Variants in SCHIP1 observed in about 807,000 individuals in gnomAD.
The protein encoded by SCHIP1 is schwannomin-interacting protein 1.
A neutral mutation model predicts 29.7 loss-of-function variants in SCHIP1; 8 were observed. The ratio of observed to expected loss-of-function variants is 0.27; its 90% CI spans 0.16 to 0.49. SCHIP1 has a LOEUF of 0.49. Among genes scored for constraint, SCHIP1 ranks in the 20% least tolerant of loss-of-function variants. The probability of loss-of-function intolerance (pLI) is 0.99; values close to 1 mark genes in which losing one functional copy is unlikely to be tolerated. For synonymous variants in SCHIP1, 76 were observed against 94.9 expected (o/e 0.80, Z 1.16); for missense variants, 193 against 294.6 (o/e 0.66, Z 2.52).
intron 2 of SCHIP1, among the ~76,000 whole-genome samples, chr3:159,871,632 T>C (rs987488274): frequency 6.6e-5 from 10 of 152,202 alleles, no homozygotes; most frequent in African/African-American, 2.4e-4. Context: ...GAGTCTTTTC[T>C]CTTGGGCTAT....
the SCHIP1 span, among the ~76,000 whole-genome samples, chr3:159,293,974 T>A: frequency 6.6e-6 from 1 of 152,286 alleles, no homozygotes; most frequent in Middle Eastern, 3.4e-3. Flanking sequence ...CAGGGCAAGA[T>A]GATTATGGTT....
chr3:159,524,466 C>A, the SCHIP1 span, among the ~76,000 whole-genome samples: 1 of 152,306 alleles, frequency 6.6e-6, no homozygotes, highest in South Asian at 2.1e-4. Context: ...TTGCTCCAAT[C>A]AAGGGAATCT....
the SCHIP1 span, among the ~76,000 whole-genome samples, chr3:159,700,112 C>T: frequency 1.3e-5 from 2 of 152,184 alleles, no homozygotes; most frequent in Non-Finnish European, 2.9e-5. Flanking sequence ...ATCAGAAGTA[C>T]ATGAATTGCT....
the SCHIP1 span, among the ~76,000 whole-genome samples, chr3:159,636,568 T>A: frequency 6.6e-6 from 1 of 152,346 alleles, no homozygotes; most frequent in African/African-American, 2.4e-5. Flanking sequence ...GTGATTTTTA[T>A]CTAGGTCATA....
chr3:159,405,457 A>G, the SCHIP1 span, among the ~76,000 whole-genome samples: 10 of 152,258 alleles, frequency 6.6e-5, no homozygotes, highest in Non-Finnish European at 1.3e-4. Flanking sequence ...TTGAATAATT[A>G]AAAAGAATTC....
the SCHIP1 span, among the ~76,000 whole-genome samples, chr3:159,408,402 A>ATACCTTATTTGC: frequency 6.6e-6 from 1 of 151,024 alleles, no homozygotes; most frequent in Non-Finnish European, 1.5e-5. Context: ...TGCAATGATA[A>ATACCTTATTTGC]AAAAAAAAGG....
At chr3:159,890,050 TCG>T (rs953023548) in intron 5 of SCHIP1, among the ~76,000 whole-genome samples, 2 of 149,858 alleles carry the variant, frequency 1.3e-5, no homozygotes, top group African/African-American at 4.9e-5. Flanking sequence ...AGCCGAGATC[TCG>T]CCACTGCACT....
the SCHIP1 span, among the ~76,000 whole-genome samples, chr3:159,363,847 G>A: frequency 6.6e-6 from 1 of 152,112 alleles, no homozygotes; most frequent in Non-Finnish European, 1.5e-5. Flanking sequence ...TTTTGATAAT[G>A]ATAACCAGTT....
chr3:159,830,641 A>C, the SCHIP1 span, among the ~76,000 whole-genome samples: 1 of 152,114 alleles, frequency 6.6e-6, no homozygotes, highest in Non-Finnish European at 1.5e-5. Flanking sequence ...TTTGGGCCTC[A>C]GAGTATTGTT....
At chr3:159,763,003 G>C in the SCHIP1 span, among the ~76,000 whole-genome samples, 1 of 152,134 alleles carries the variant, frequency 6.6e-6, no homozygotes, top group African/African-American at 2.4e-5. Flanking sequence ...CGCTTCCCCT[G>C]TCTCCTTGCC....
At chr3:159,758,765 C>A in the SCHIP1 span, among the ~76,000 whole-genome samples, 3 of 152,182 alleles carry the variant, frequency 2.0e-5, no homozygotes, top group East Asian at 3.9e-4. Flanking sequence ...CTGGAGGAGA[C>A]CTGTTGTATA....
the SCHIP1 span, among the ~76,000 whole-genome samples, chr3:159,515,041 C>A: frequency 1.3e-5 from 2 of 152,116 alleles, no homozygotes; most frequent in African/African-American, 4.8e-5. Flanking sequence ...ATTTTCAAAA[C>A]ACATCAAGAA....
At chr3:159,374,093 A>G in the SCHIP1 span, among the ~76,000 whole-genome samples, 1 of 152,212 alleles carries the variant, frequency 6.6e-6, no homozygotes, top group South Asian at 2.1e-4. Flanking sequence ...TGAATACAAT[A>G]TATAAAATCA....
chr3:159,720,380 A>G, the SCHIP1 span, among the ~76,000 whole-genome samples: 61 of 151,994 alleles, frequency 4.0e-4, no homozygotes, highest in Admixed American at 9.2e-4. Flanking sequence ...AACTTAAAGT[A>G]TAAAAAAAAA....
At chr3:159,494,715 A>G in the SCHIP1 span, among the ~76,000 whole-genome samples, 9 of 152,308 alleles carry the variant, frequency 5.9e-5, no homozygotes, top group African/African-American at 2.2e-4. Context: ...AACTATTCCA[A>G]TCAATAGAAA....
the SCHIP1 span, among the ~76,000 whole-genome samples, chr3:159,736,876 A>G: frequency 2.6e-5 from 4 of 152,088 alleles, no homozygotes; most frequent in Admixed American, 6.5e-5. Context: ...CTGGGACTAC[A>G]GGCACCCGCC....
chr3:159,575,980 T>C, the SCHIP1 span, among the ~76,000 whole-genome samples: 1 of 152,230 alleles, frequency 6.6e-6, no homozygotes, highest in Admixed American at 6.5e-5. Context: ...CATATTTCAA[T>C]GTGTTCTAGG....
chr3:159,551,082 A>T, the SCHIP1 span, among the ~76,000 whole-genome samples: 3 of 152,166 alleles, frequency 2.0e-5, no homozygotes, highest in Non-Finnish European at 4.4e-5. Context: ...TTTGGTAGCC[A>T]TGGGTGAGTA....
the SCHIP1 span, among the ~76,000 whole-genome samples, chr3:159,348,103 G>A: frequency 6.6e-6 from 1 of 152,192 alleles, no homozygotes; most frequent in African/African-American, 2.4e-5. Context: ...TTGACAAGTT[G>A]TAAAAACTTA....
Sources: gnomAD v4.1 joint callset for allele counts (sites outside exome capture counted in the v4.1 genomes callset) on GRCh38, gnomAD v4.1.1 for gene constraint, MANE v1.5 for transcripts, NCBI Gene and HGNC (gene_info 2026-07-23, HGNC 2026-07-21) for gene names.